The following ZNF407 variants were observed in gnomAD, a reference collection of about 807,000 sequenced individuals.
ZNF407 encodes zinc finger protein 407.
Under a neutral mutation model 131.2 loss-of-function variants are expected in ZNF407, and 17 were observed. The ratio of observed to expected loss-of-function variants is 0.13; its 90% CI spans 0.09 to 0.19. The LOEUF (loss-of-function observed/expected upper bound fraction) is 0.19, where lower values mean the gene tolerates loss of function less well. ZNF407 is among the 10% of genes least tolerant of loss of function. The probability of loss-of-function intolerance (pLI) is 1.00; values close to 1 mark genes in which losing one functional copy is unlikely to be tolerated. For synonymous variants in ZNF407, 1,156 were observed against 1,062.0 expected, an observed-to-expected ratio of 1.09 and a Z score of -1.72; for missense variants, 2,681 against 2,830.6, an observed-to-expected ratio of 0.95 and a Z score of 1.20.
intron 3 of ZNF407, among the ~76,000 whole-genome samples, chr18:74,750,522 T>C (rs1335017083): frequency 6.6e-6 from 1 of 152,224 alleles, no homozygotes; most frequent in African/African-American, 2.4e-5. Flanking sequence ...TCATGATTCA[T>C]TCATGTCATA....
intron 3 of ZNF407, among the ~76,000 whole-genome samples, chr18:74,759,860 C>A (rs1969054069): frequency 6.7e-6 from 1 of 149,732 alleles, no homozygotes; most frequent in South Asian, 2.1e-4. Flanking sequence ...TTTTGTCTAG[C>A]AGTCTTATCT....
chr18:75,027,357 T>C (rs748934133), intron 8 of ZNF407, among the ~76,000 whole-genome samples: 16 of 152,196 alleles, frequency 1.1e-4, no homozygotes, highest in Non-Finnish European at 1.9e-4. Flanking sequence ...ATTTACCCTT[T>C]TCTCCTTTAT....
intron 8 of ZNF407, among the ~76,000 whole-genome samples, chr18:74,997,580 C>T (rs1304118097): frequency 1.3e-5 from 2 of 152,122 alleles, no homozygotes; most frequent in African/African-American, 2.4e-5. Context: ...CCCATGTGTC[C>T]GTGGAGTGGT....
At chr18:74,776,788 A>G (rs886422913) in intron 3 of ZNF407, among the ~76,000 whole-genome samples, 1 of 152,234 alleles carries the variant, frequency 6.6e-6, no homozygotes, top group African/African-American at 2.4e-5. Context: ...AGATGAACAC[A>G]TTCTGTATAT....
At chr18:75,056,360 A>G (rs976132415) in intron 8 of ZNF407, among the ~76,000 whole-genome samples, 3 of 152,234 alleles carry the variant, frequency 2.0e-5, no homozygotes, top group African/African-American at 7.2e-5. Context: ...TGAGGTACTG[A>G]CCAACCAACC....
At chr18:74,960,545 C>G (rs867244483) in intron 8 of ZNF407, among the ~76,000 whole-genome samples, 656 of 57,314 alleles carry the variant, frequency 0.011, no homozygotes, top group Middle Eastern at 0.045. Flanking sequence ...GGTCCTGAGT[C>G]AGTGCTTGGT....
chr18:74,676,437 A>ATTTTT, intron 3 of ZNF407, among the ~76,000 whole-genome samples: 1 of 119,690 alleles, frequency 8.4e-6, no homozygotes, highest in African/African-American at 3.1e-5. Context: ...GTGATATAGC[A>ATTTTT]TTTTTTTTTT....
chr18:74,906,479 T>A (rs185533729), intron 7 of ZNF407, among the ~76,000 whole-genome samples: 2 of 152,360 alleles, frequency 1.3e-5, no homozygotes, highest in East Asian at 3.9e-4. Flanking sequence ...CTGGGTGTTT[T>A]TCAAATAGAT....
chr18:74,957,518 T>C (rs935282367), intron 8 of ZNF407, among the ~76,000 whole-genome samples: 6 of 152,102 alleles, frequency 3.9e-5, no homozygotes, highest in African/African-American at 1.4e-4. Context: ...GGTTACAATC[T>C]GTTATTCTTA....
rs1313871722 is a variant in ZNF407 at position 74,632,468 on chromosome 18, C to G, written c.1449C>G (p.Cys483Trp). 3.1e-6 allele frequency: 5 copies of G among 1,613,880 alleles called. No individual in the cohort carries two copies. The highest frequency in any genetic ancestry group is 4.2e-6 in the Non-Finnish European group (5 of 1,179,906). Residue 483 changes from cysteine to tryptophan, a missense_variant, in exon 2 of 9, where the codon TGC becomes TGG. Cys to Trp is a radical substitution (Grantham distance 215). Transcript: ENST00000299687. ...CAGTGCTGAAACACCTGGAAGCGTG[C>G]AGCAGTGTGCAGAGAGTGTGTGTGA... The part of the protein sequence containing the change: ...AESVLKHLEA[C>W]SSVQRVCVTT...
At chr18:75,043,846 A>G (rs1366906111) in intron 8 of ZNF407, among the ~76,000 whole-genome samples, 2 of 152,226 alleles carry the variant, frequency 1.3e-5, no homozygotes, top group African/African-American at 4.8e-5. Context: ...CTGAGGACAT[A>G]TAATTGGCAG....
intron 8 of ZNF407, among the ~76,000 whole-genome samples, chr18:74,958,565 C>A (rs1972303530): frequency 6.6e-6 from 1 of 152,140 alleles, no homozygotes; most frequent in South Asian, 2.1e-4. Context: ...ATATACACAC[C>A]TGAGCTGCAT....
chr18:74,881,396 G>C (rs1971236131), intron 6 of ZNF407, among the ~76,000 whole-genome samples: 1 of 152,186 alleles, frequency 6.6e-6, no homozygotes, highest in Non-Finnish European at 1.5e-5. Context: ...CCAAAGCCCA[G>C]ATACAGGAGA....
At chr18:74,679,870 C>T (rs1043879798) in intron 3 of ZNF407, among the ~76,000 whole-genome samples, 2 of 152,248 alleles carry the variant, frequency 1.3e-5, no homozygotes, top group African/African-American at 4.8e-5. Context: ...AGTGGTTCTT[C>T]ATGTGGCATG....
At chr18:74,737,623 GACAC>G (rs1439677274) in intron 3 of ZNF407, among the ~76,000 whole-genome samples, 4 of 152,098 alleles carry the variant, frequency 2.6e-5, no homozygotes, top group Non-Finnish European at 5.9e-5. Flanking sequence ...TACATACGCA[GACAC>G]ACACCCTTAC....
intron 1 of ZNF407, among the ~76,000 whole-genome samples, chr18:74,622,249 G>A (rs548539253): frequency 2.6e-5 from 4 of 152,306 alleles, no homozygotes; most frequent in African/African-American, 9.6e-5. Context: ...TTTATGCATG[G>A]ACTTGATGGC....
At chr18:74,915,133 T>A (rs1001384280) in intron 7 of ZNF407, among the ~76,000 whole-genome samples, 1 of 152,156 alleles carries the variant, frequency 6.6e-6, no homozygotes, top group African/African-American at 2.4e-5. Flanking sequence ...TGGCTTGTAA[T>A]AGGAGGTCCC....
At chr18:74,613,501 ATG>A (rs1437815525) in intron 1 of ZNF407, among the ~76,000 whole-genome samples, 1 of 152,252 alleles carries the variant, frequency 6.6e-6, no homozygotes, top group Admixed American at 6.5e-5. Flanking sequence ...ATTTGTAGTT[ATG>A]TAATGTCATG....
At chr18:74,821,491 A>G (rs916441614) in intron 4 of ZNF407, among the ~76,000 whole-genome samples, 2 of 151,196 alleles carry the variant, frequency 1.3e-5, no homozygotes, top group African/African-American at 2.4e-5. Context: ...TCATTGTTCA[A>G]CTCCCACTTA....
Sources: allele counts gnomAD v4.1 joint callset (sites outside exome capture counted in the v4.1 genomes callset), GRCh38; gene constraint gnomAD v4.1.1; transcripts MANE v1.5; gene names NCBI Gene and HGNC (gene_info 2026-07-23, HGNC 2026-07-21).